The following XNDC1N variants were observed in gnomAD, a reference collection of about 807,000 sequenced individuals.
The protein encoded by XNDC1N is protein XNDC1N.
chr11:71,886,498 T>G, the XNDC1N span, among the ~76,000 whole-genome samples: 109 of 151,748 alleles, frequency 7.2e-4, 2 homozygotes, highest in Admixed American at 1.3e-4. Flanking sequence ...GAAGGATTAA[T>G]GAGGGGAGCT....
chr11:71,898,666 T>C, the XNDC1N span, among the ~76,000 whole-genome samples: 8 of 152,278 alleles, frequency 5.3e-5, no homozygotes, highest in African/African-American at 1.4e-4. Flanking sequence ...CTAGAGTAGT[T>C]AAACTCATAG....
At chr11:71,873,844 T>C in the XNDC1N span, among the ~76,000 whole-genome samples, 1 of 152,170 alleles carries the variant, frequency 6.6e-6, no homozygotes, top group African/African-American at 2.4e-5. Context: ...AGATTTTCAA[T>C]AAGGAAATAA....
the XNDC1N span, among the ~76,000 whole-genome samples, chr11:71,876,977 C>A: frequency 6.6e-6 from 1 of 152,204 alleles, no homozygotes; most frequent in Non-Finnish European, 1.5e-5. Flanking sequence ...GCTGCCCCAG[C>A]AACTCAGGAG....
chr11:71,915,158 C>T, the XNDC1N span, among the ~76,000 whole-genome samples: 9 of 152,182 alleles, frequency 5.9e-5, 1 homozygote, highest in South Asian at 1.5e-3. Context: ...AAAAAGATTA[C>T]GACTCGCTGG....
At chr11:71,881,878 G>A in the XNDC1N span, among the ~76,000 whole-genome samples, 1 of 152,182 alleles carries the variant, frequency 6.6e-6, no homozygotes, top group African/African-American at 2.4e-5. Context: ...ATTAGAAAAG[G>A]AAAAATATAT....
At chr11:71,927,139 T>G in the XNDC1N span, among the ~76,000 whole-genome samples, 3 of 151,856 alleles carry the variant, frequency 2.0e-5, no homozygotes, top group Admixed American at 2.0e-4. Context: ...TCCCAGGTAC[T>G]CACAAGGTTG....
chr11:71,919,896 C>G, the XNDC1N span, among the ~76,000 whole-genome samples: 1 of 123,490 alleles, frequency 8.1e-6, no homozygotes, highest in African/African-American at 3.0e-5. Flanking sequence ...GGATTACAGG[C>G]GTGAGCCACC....
At chr11:71,879,171 G>A in the XNDC1N span, among the ~76,000 whole-genome samples, 2 of 152,142 alleles carry the variant, frequency 1.3e-5, no homozygotes, top group African/African-American at 4.8e-5. Context: ...CATAATCCTT[G>A]GTTCACAGGA....
At chr11:71,923,237 G>A in the XNDC1N span, 3 of 698,690 alleles carry the variant, frequency 4.3e-6, no homozygotes, top group Non-Finnish European at 5.2e-6. Context: ...CCTGAAAGTG[G>A]AGCCAAGACT....
the XNDC1N span, among the ~76,000 whole-genome samples, chr11:71,927,161 T>C: frequency 6.6e-6 from 1 of 151,766 alleles, no homozygotes; most frequent in East Asian, 1.9e-4. Context: ...GGTGGGAGAA[T>C]TGCTTGAGCC....
the XNDC1N span, chr11:71,916,377 G>C: frequency 1.6e-6 from 1 of 615,666 alleles, no homozygotes; most frequent in Non-Finnish European, 2.9e-6. Context: ...AAAGAAGGAG[G>C]TCTTCAGTAA....
chr11:71,928,387 G>A, the XNDC1N span: 3 of 684,950 alleles, frequency 4.4e-6, no homozygotes, highest in South Asian at 3.0e-5. Context: ...ACCTCGAGGA[G>A]CCACCGTTGC....
the XNDC1N span, among the ~76,000 whole-genome samples, chr11:71,904,936 A>G: frequency 6.6e-6 from 1 of 152,088 alleles, no homozygotes; most frequent in Non-Finnish European, 1.5e-5. Context: ...GAATAATATC[A>G]CAGGGAGTAC....
the XNDC1N span, among the ~76,000 whole-genome samples, chr11:71,876,885 C>G: frequency 6.6e-6 from 1 of 152,358 alleles, no homozygotes; most frequent in African/African-American, 2.4e-5. Context: ...GTAAATGGAG[C>G]AGTCAGCAAT....
chr11:71,872,931 A>T, the XNDC1N span, among the ~76,000 whole-genome samples: 1 of 152,330 alleles, frequency 6.6e-6, no homozygotes, highest in African/African-American at 2.4e-5. Flanking sequence ...GGATTCTATC[A>T]TGATATCAAA....
At chr11:71,877,240 C>A in the XNDC1N span, among the ~76,000 whole-genome samples, 1 of 152,190 alleles carries the variant, frequency 6.6e-6, no homozygotes, top group South Asian at 2.1e-4. Flanking sequence ...AAGAGAACTT[C>A]CTTCTTGGTA....
chr11:71,872,644 C>T, the XNDC1N span, among the ~76,000 whole-genome samples: 1 of 152,012 alleles, frequency 6.6e-6, no homozygotes, highest in African/African-American at 2.4e-5. Flanking sequence ...AGGAGAATGG[C>T]GTGAACCTGG....
At chr11:71,925,179 G>A in the XNDC1N span, among the ~76,000 whole-genome samples, 1 of 151,840 alleles carries the variant, frequency 6.6e-6, no homozygotes, top group South Asian at 2.1e-4. Flanking sequence ...GCCTTTAACA[G>A]AGTGCCTCAC....
chr11:71,901,543 G>A, the XNDC1N span, among the ~76,000 whole-genome samples: 1 of 151,954 alleles, frequency 6.6e-6, no homozygotes, highest in South Asian at 2.1e-4. Flanking sequence ...AGGTTGCGGT[G>A]AGCTGAGATC....
Sources: gnomAD v4.1 joint callset for allele counts (sites outside exome capture counted in the v4.1 genomes callset) on GRCh38, gnomAD v4.1.1 for gene constraint, MANE v1.5 for transcripts, NCBI Gene and HGNC (gene_info 2026-07-23, HGNC 2026-07-21) for gene names.